Variants in HRH2 observed in about 807,000 individuals in gnomAD.
HRH2 encodes histamine H2 receptor.
In HRH2, 4 loss-of-function variants were observed where a neutral mutation model predicts 20.1. The ratio of observed to expected loss-of-function variants is 0.20; its 90% CI spans 0.10 to 0.45. HRH2 has a LOEUF of 0.45. HRH2 is among the 20% of genes least tolerant of loss of function. The pLI, the probability that HRH2 is intolerant of heterozygous loss-of-function variation, is 0.99. For missense variants in HRH2, 250 were observed against 461.6 expected, an observed-to-expected ratio of 0.54 and a Z score of 4.20; for synonymous variants, 197 against 200.7, an observed-to-expected ratio of 0.98 and a Z score of 0.16.
chr5:175,658,192 C>T (rs1235731824), intron 1 of HRH2, 37 bp downstream of exon 1: 1 of 151,660 alleles, frequency 6.6e-6, no homozygotes, highest in Non-Finnish European at 1.5e-5. Flanking sequence ...GGCCTCGGCT[C>T]GGGGTGGGGT....
intron 2 of HRH2, among the ~76,000 whole-genome samples, chr5:175,695,445 G>T (rs13360721): frequency 2.6e-5 from 4 of 152,012 alleles, no homozygotes; most frequent in Non-Finnish European, 4.4e-5. Context: ...GGAGTAGGTA[G>T]GAGAAAACCC....
At chr5:175,658,663 A>C (rs1285299695) in intron 1 of HRH2, among the ~76,000 whole-genome samples, 1 of 152,110 alleles carries the variant, frequency 6.6e-6, no homozygotes, top group African/African-American at 2.4e-5. Flanking sequence ...TCTATGTCTC[A>C]GGAAACCAGA....
chr5:175,691,083 G>C (rs1756358176), intron 2 of HRH2: 1 of 152,274 alleles, frequency 6.6e-6, no homozygotes, highest in Non-Finnish European at 1.5e-5. Flanking sequence ...TGGAGAGCTT[G>C]AGGCTGCATC....
At chr5:175,676,850 GA>G (rs1440071732) in intron 1 of HRH2, among the ~76,000 whole-genome samples, 3 of 152,150 alleles carry the variant, frequency 2.0e-5, no homozygotes, top group African/African-American at 7.2e-5. Flanking sequence ...TGCACTGGAG[GA>G]TATTATTTTA....
Position 175,683,696 on chromosome 5 carries a change from C to T in HRH2, c.463C>T (p.His155Tyr). Residue 155 changes from histidine to tyrosine, a missense_variant, in exon 2 of 3, where the codon CAC (histidine) becomes TAC (tyrosine). Around this residue, in one of 5 missense-constraint regions of HRH2, gnomAD observed 27 missense variants for 28.6 expected, o/e 0.94. Transcript: ENST00000636584. ...ISITLSFLSI[H>Y]LGWNSRNETS... ...CATTACCCTGTCCTTTCTGTCTATC[C>T]ACCTGGGGTGGAACAGCAGGAACGA... The T allele has an allele frequency of 6.2e-7, 1 of 1,614,198 alleles. No homozygotes were observed. Among genetic ancestry groups the T allele is most frequent in the Non-Finnish European group, 8.5e-7 (1 of 1,180,040 alleles).
chr5:175,688,905 A>C (rs1466218522), intron 2 of HRH2, among the ~76,000 whole-genome samples: 1 of 152,152 alleles, frequency 6.6e-6, no homozygotes, highest in Non-Finnish European at 1.5e-5. Flanking sequence ...TAATCTCCCA[A>C]GGCAGGAGAT....
Position 175,687,043 on chromosome 5 carries a change from G to A in HRH2, c.1076+2734G>A, listed in dbSNP as rs1308306453. Among the ~76,000 whole-genome samples the A allele has an allele frequency of 6.6e-6, 1 of 152,150 alleles. No individual in the cohort carries two copies. The highest frequency in any genetic ancestry group is 2.4e-5 in the African/African-American group (1 of 41,438). ...CCAGGGTCATGCATGCAGCCGTGGA[G>A]GCAGGGCCAGATCCGAGTCCAGAGC... On this transcript the variant is annotated intron_variant, in intron 2 of 2. Transcript: ENST00000636584. This position sits in a 1 kb window ranked among gnomAD's most constrained non-coding sequence, Gnocchi z 5.2.
intron 2 of HRH2, among the ~76,000 whole-genome samples, chr5:175,701,649 C>T (rs1285766005): frequency 6.6e-6 from 1 of 152,152 alleles, no homozygotes; most frequent in Non-Finnish European, 1.5e-5. Flanking sequence ...GTGTCTATCC[C>T]TCAACCAACT....
At position 175,687,273 on chromosome 5, in the gene HRH2, G is replaced by A. The variant is rs150036581; in HGVS notation, c.1076+2964G>A. On this transcript the variant is annotated intron_variant, in intron 2 of 2. Transcript: ENST00000636584. The surrounding 1 kb of genome is among the most constrained non-coding windows in gnomAD (Gnocchi z 5.2). ...GCGATCAGGGCCTCGTGTGTCCCTCGATAAGCTCGGCTGCCAGTTTCCCTG... is the reference window on the plus strand; with the variant it reads ...GCGATCAGGGCCTCGTGTGTCCCTCAATAAGCTCGGCTGCCAGTTTCCCTG... Among the ~76,000 whole-genome samples the A allele has an allele frequency of 5.4e-3, 827 of 152,202 alleles. 9 individuals are homozygous for A. Among genetic ancestry groups the A allele is most frequent in the African/African-American group, 0.019 (801 of 41,540 alleles).
At chr5:175,676,204 G>A (rs147729032) in intron 1 of HRH2, among the ~76,000 whole-genome samples, 12 of 152,352 alleles carry the variant, frequency 7.9e-5, no homozygotes, top group African/African-American at 2.4e-4. Context: ...GCAACTGCTG[G>A]GTCAGTAGTC....
At chr5:175,673,826 T>TCC (rs1195278486) in intron 1 of HRH2, among the ~76,000 whole-genome samples, 1 of 151,848 alleles carries the variant, frequency 6.6e-6, no homozygotes, top group East Asian at 1.9e-4. Context: ...TGCCTCAGCG[T>TCC]CCCGAGTAGC....
At position 175,687,013 on chromosome 5, in the gene HRH2, G is replaced by A. The variant is rs911021382; in HGVS notation, c.1076+2704G>A. On this transcript the variant is annotated intron_variant, in intron 2 of 2. Coordinates refer to ENST00000636584, the MANE Select transcript of HRH2 (RefSeq NM_001367711.1). The surrounding 1 kb of genome is among the most constrained non-coding windows in gnomAD (Gnocchi z 5.2). ...AAACCAGGGCCAGCAGAGAGGTGGTGCCTCCCAGGGTCATGCATGCAGCCG... is the reference window on the plus strand; with the variant it reads ...AAACCAGGGCCAGCAGAGAGGTGGTACCTCCCAGGGTCATGCATGCAGCCG... Among the ~76,000 whole-genome samples, 23 of 152,120 alleles carry A rather than the reference G, an allele frequency of 1.5e-4. No individual in the cohort carries two copies. Among genetic ancestry groups the A allele is most frequent in the Non-Finnish European group, 5.9e-5 (4 of 68,020 alleles).
At chr5:175,698,545 C>G (rs1011965286) in intron 2 of HRH2, among the ~76,000 whole-genome samples, 1 of 152,192 alleles carries the variant, frequency 6.6e-6, no homozygotes, top group African/African-American at 2.4e-5. Context: ...AGAACACGAG[C>G]ACTTAGTAAA....
intron 2 of HRH2, among the ~76,000 whole-genome samples, chr5:175,698,454 C>T (rs539087414): frequency 6.6e-5 from 10 of 152,300 alleles, no homozygotes; most frequent in South Asian, 2.1e-4. Flanking sequence ...GTCTGTTAAA[C>T]GCACACACTT....
chr5:175,664,616 G>A (rs547726909), intron 1 of HRH2, among the ~76,000 whole-genome samples: 20 of 152,242 alleles, frequency 1.3e-4, no homozygotes, highest in African/African-American at 4.3e-4. Flanking sequence ...TCAAGCTGAG[G>A]TGTTTGGATT....
At chr5:175,698,226 T>A (rs1756669581) in intron 2 of HRH2, among the ~76,000 whole-genome samples, 1 of 152,226 alleles carries the variant, frequency 6.6e-6, no homozygotes, top group Non-Finnish European at 1.5e-5. Context: ...CACCCTTAAG[T>A]TGCTGGAGAC....
Position 175,709,501 on chromosome 5 carries a change from TCTGCAGCTGCGTGC to T in HRH2, c.*1549_*1562del, listed in dbSNP as rs59064534. 0.1 allele frequency: 15,616 copies of T among 152,236 alleles called. 2,409 individuals are homozygous for T. The highest frequency in any genetic ancestry group is 0.33 in the African/African-American group (13,785 of 41,400). 9.4% of individuals were successfully genotyped at this position (152,236 alleles called of 1,614,324 possible). ...TTCAGAGGCGCTCTCCCTCAGCGTG[TCTGCAGCTGCGTGC>T]CTGCAGCTGCGTGCCTGCCTTCTCC... is the stretch of plus-strand genomic sequence containing the variant. On this transcript the variant is annotated 3_prime_UTR_variant, in exon 3 of 3. Coordinates refer to ENST00000636584, the MANE Select transcript of HRH2 (RefSeq NM_001367711.1).
In HRH2 at chr5:175,687,126, G is replaced by A. The variant is rs1248073187; in HGVS notation, c.1076+2817G>A. ...CCTCCAGCCCCCAGGAGCAGGGGCA[G>A]AGGGCTTTGGCAGAGAAGGGTGGGG... is the stretch of plus-strand genomic sequence containing the variant. On this transcript the variant is annotated intron_variant, in intron 2 of 2. Coordinates refer to ENST00000636584, the MANE Select transcript of HRH2 (RefSeq NM_001367711.1). This position sits in a 1 kb window ranked among gnomAD's most constrained non-coding sequence, Gnocchi z 5.2. Among the ~76,000 whole-genome samples the A allele has an allele frequency of 6.6e-6, 1 of 152,234 alleles. No homozygotes were observed. The highest frequency in any genetic ancestry group is 1.5e-5 in the Non-Finnish European group (1 of 68,038).
rs1755798139 is a variant in HRH2, at chr5:175,677,472, A to G, written c.-525-5237A>G. Among the ~76,000 whole-genome samples, 1 of 152,170 alleles carries G rather than the reference A, an allele frequency of 6.6e-6. No homozygotes were observed. Among genetic ancestry groups the G allele is most frequent in the Non-Finnish European group, 1.5e-5 (1 of 68,034 alleles). On this transcript the variant is annotated intron_variant, in intron 1 of 2. Transcript: ENST00000636584. The surrounding 1 kb of genome is among the most constrained non-coding windows in gnomAD (Gnocchi z 4.2). Reference sequence around the variant, plus strand: ...AAAGGGCTCCCTGGGAAGGCCAGGGATCATTTCAGCTCTGACTGTCTGGGC... The same window carrying G: ...AAAGGGCTCCCTGGGAAGGCCAGGGGTCATTTCAGCTCTGACTGTCTGGGC...
Sources: allele counts gnomAD v4.1 joint callset (sites outside exome capture counted in the v4.1 genomes callset), GRCh38; gene constraint gnomAD v4.1.1; regional missense constraint gnomAD v4.1.1; non-coding constraint Gnocchi (gnomAD v3.1); transcripts MANE v1.5; gene names NCBI Gene and HGNC (gene_info 2026-07-23, HGNC 2026-07-21).